Variants in FAM135A observed in about 807,000 individuals in gnomAD.
The protein encoded by FAM135A is family with sequence similarity 135 member A, also known as protein FAM135A.
A neutral mutation model predicts 146.8 loss-of-function variants in FAM135A; 79 were observed. The ratio of observed to expected loss-of-function variants is 0.54; its 90% CI spans 0.45 to 0.65. The LOEUF is 0.65. Ranked by LOEUF, FAM135A falls within the 30% of genes least tolerant of loss-of-function variation. FAM135A has a pLI of 0.00. For missense variants in FAM135A, 1,623 were observed against 1,758.2 expected (o/e 0.92, Z 1.38); for synonymous variants, 562 against 603.6 (o/e 0.93, Z 1.01).
intron 12 of FAM135A, among the ~76,000 whole-genome samples, chr6:70,508,394 A>G (rs987790452): frequency 5.3e-5 from 8 of 152,190 alleles, no homozygotes; most frequent in South Asian, 2.1e-4. Flanking sequence ...TATTTCCTCA[A>G]TAATTTTACT....
At chr6:70,487,534 A>G (rs552690164) in intron 10 of FAM135A, among the ~76,000 whole-genome samples, 3 of 152,334 alleles carry the variant, frequency 2.0e-5, no homozygotes, top group Non-Finnish European at 4.4e-5. Flanking sequence ...TTCTCAGGTG[A>G]AAACTAACTC....
intron 19 of FAM135A, among the ~76,000 whole-genome samples, 200 bp from the exon 20 acceptor site, chr6:70,538,091 C>G (rs1487464806): frequency 6.6e-6 from 1 of 152,096 alleles, no homozygotes; most frequent in Non-Finnish European, 1.5e-5. Flanking sequence ...ACCATTAATT[C>G]ATAATTAACC....
chr6:70,547,896 C>T (rs1799129627), intron 20 of FAM135A, among the ~76,000 whole-genome samples: 1 of 152,174 alleles, frequency 6.6e-6, no homozygotes, highest in Non-Finnish European at 1.5e-5. Flanking sequence ...AATCTTGTCA[C>T]TTTCCCAAAT....
At chr6:70,435,588 C>T (rs898148495) in intron 4 of FAM135A, among the ~76,000 whole-genome samples, 3 of 151,704 alleles carry the variant, frequency 2.0e-5, no homozygotes, top group Non-Finnish European at 2.9e-5. Flanking sequence ...GATGCAATGT[C>T]GGCTCATCGC....
At chr6:70,517,415 CTTTTTT>C (rs746307665) in intron 12 of FAM135A, among the ~76,000 whole-genome samples, 1 of 127,108 alleles carries the variant, frequency 7.9e-6, no homozygotes, top group Non-Finnish European at 1.7e-5. Context: ...CGTCTTTTTC[CTTTTTT>C]TTTTTTTTTT....
At chr6:70,465,951 A>G (rs1014822995) in intron 5 of FAM135A, among the ~76,000 whole-genome samples, 2 of 152,120 alleles carry the variant, frequency 1.3e-5, no homozygotes, top group African/African-American at 4.8e-5. Context: ...CTCAAATGCT[A>G]TGTTGTCAAC....
At chr6:70,487,753 A>G (rs1784968921) in intron 10 of FAM135A, among the ~76,000 whole-genome samples, 1 of 152,198 alleles carries the variant, frequency 6.6e-6, no homozygotes, top group South Asian at 2.1e-4. Flanking sequence ...AGCAATTAAA[A>G]TATACTTCTA....
rs1223821159 is a variant in FAM135A, at chr6:70,413,667, T to G, written c.-255T>G. 2.8e-6 allele frequency: 1 copy of G among 361,702 alleles called. No individual in the cohort carries two copies. The highest frequency in any genetic ancestry group is 3.9e-6 in the Non-Finnish European group (1 of 259,430). 22.4% of individuals were successfully genotyped at this position (361,702 alleles called of 1,614,324 possible). On this transcript the variant is annotated 5_prime_UTR_variant, in exon 1 of 22. Transcript: ENST00000418814. The stretch of plus-strand genomic sequence containing the variant: ...GCAGCTGGACAACGAGCTCCTCCGT[T>G]CGACAGGCGGGGGAAGAGGCCGAGC...
At chr6:70,506,752 A>G (rs1333656349) in intron 12 of FAM135A, among the ~76,000 whole-genome samples, 1 of 112,668 alleles carries the variant, frequency 8.9e-6, no homozygotes, top group East Asian at 2.4e-4. Flanking sequence ...TTTTTTTTTT[A>G]ATTTTTATGT....
At chr6:70,546,649 GA>G (rs530789426) in intron 20 of FAM135A, among the ~76,000 whole-genome samples, 89 of 152,254 alleles carry the variant, frequency 5.8e-4, no homozygotes, top group African/African-American at 1.9e-3. Flanking sequence ...TATTGGGTGA[GA>G]AATTACCTTT....
At chr6:70,463,351 G>C (rs1779778956) in intron 5 of FAM135A, among the ~76,000 whole-genome samples, 1 of 151,442 alleles carries the variant, frequency 6.6e-6, no homozygotes, top group African/African-American at 2.4e-5. Flanking sequence ...CTGGGCTCAA[G>C]TGATAATCCC....
At chr6:70,457,183 C>T (rs959946397) in intron 5 of FAM135A, among the ~76,000 whole-genome samples, 1 of 152,148 alleles carries the variant, frequency 6.6e-6, no homozygotes, top group Non-Finnish European at 1.5e-5. Flanking sequence ...TTTTCCAAGG[C>T]TTTTTGAGTG....
chr6:70,453,018 G>T (rs1292780154), intron 5 of FAM135A, among the ~76,000 whole-genome samples: 1 of 152,086 alleles, frequency 6.6e-6, no homozygotes, highest in African/African-American at 2.4e-5. Flanking sequence ...ATGTAGGAAG[G>T]TATGAAATAG....
intron 12 of FAM135A, among the ~76,000 whole-genome samples, chr6:70,506,726 A>T (rs201982657): frequency 6.3e-5 from 9 of 143,726 alleles, no homozygotes; most frequent in Non-Finnish European, 7.7e-5. Context: ...TTTTTTTTTT[A>T]TTTTGTTTTT....
chr6:70,518,705 T>G (rs1340610805), intron 12 of FAM135A, among the ~76,000 whole-genome samples: 1 of 152,184 alleles, frequency 6.6e-6, no homozygotes, highest in Non-Finnish European at 1.5e-5. Context: ...TCTGCTGCAT[T>G]AACAAAACAA....
intron 11 of FAM135A, among the ~76,000 whole-genome samples, chr6:70,499,074 G>T (rs1209675384): frequency 2.0e-5 from 3 of 152,142 alleles, no homozygotes; most frequent in Non-Finnish European, 2.9e-5. Flanking sequence ...TGACAGTGGG[G>T]TTTTAAAGAC....
intron 2 of FAM135A, among the ~76,000 whole-genome samples, chr6:70,426,035 G>A (rs1397760539): frequency 3.3e-5 from 5 of 151,770 alleles, no homozygotes; most frequent in East Asian, 1.9e-4. Context: ...CCCGGGAAGC[G>A]GAGCTTGCAG....
chr6:70,501,503 G>A (rs1281731620), intron 11 of FAM135A, among the ~76,000 whole-genome samples: 5 of 152,140 alleles, frequency 3.3e-5, no homozygotes, highest in Admixed American at 6.5e-5. Flanking sequence ...GGGAGTGAAC[G>A]GTTCTGTCTC....
intron 12 of FAM135A, among the ~76,000 whole-genome samples, chr6:70,512,547 T>C (rs1561944573): frequency 1.3e-5 from 2 of 151,854 alleles, no homozygotes; most frequent in Non-Finnish European, 2.9e-5. Flanking sequence ...TTAACTACTA[T>C]AGTAGGGGTA....
Sources: allele counts gnomAD v4.1 joint callset (sites outside exome capture counted in the v4.1 genomes callset), GRCh38; gene constraint gnomAD v4.1.1; transcripts MANE v1.5; gene names NCBI Gene and HGNC (gene_info 2026-07-23, HGNC 2026-07-21).